The following NCR1 variants were observed in gnomAD, a reference collection of about 807,000 sequenced individuals.
The protein encoded by NCR1 is natural cytotoxicity triggering receptor 1.
A neutral mutation model predicts 32.5 loss-of-function variants in NCR1; 30 were observed. The ratio of observed to expected loss-of-function variants is 0.92; its 90% confidence interval spans 0.69 to 1.25. The LOEUF (loss-of-function observed/expected upper bound fraction) is 1.25. NCR1 is among the 50% of genes most tolerant of loss of function. The probability of loss-of-function intolerance (pLI) is 0.00; values close to 1 mark genes in which losing one functional copy is unlikely to be tolerated. For synonymous variants in NCR1, 169 were observed against 143.4 expected, an observed-to-expected ratio of 1.18 and a Z score of -1.28; for missense variants, 369 against 380.7, an observed-to-expected ratio of 0.97 and a Z score of 0.26.
At chr19:54,936,567 AC>A in the NCR1 span, 1 of 773,338 alleles carries the variant, frequency 1.3e-6, no homozygotes, top group Non-Finnish European at 2.2e-6. Flanking sequence ...CGTGTCTGTA[AC>A]CCCAGCACTT....
chr19:54,936,327 T>A, the NCR1 span: 1 of 1,613,968 alleles, frequency 6.2e-7, no homozygotes, highest in South Asian at 1.1e-5. Context: ...CATCGTGCGT[T>A]CCCACTCGAT....
At chr19:54,936,415 G>A in the NCR1 span, 1 of 1,614,114 alleles carries the variant, frequency 6.2e-7, no homozygotes, top group Non-Finnish European at 8.5e-7. Flanking sequence ...GCGGTGTCAG[G>A]GGTGACGTTT....
chr19:54,937,198 A>T, the NCR1 span, among the ~76,000 whole-genome samples: 3 of 151,530 alleles, frequency 2.0e-5, no homozygotes, highest in African/African-American at 7.3e-5. Context: ...AGCCTGGGGA[A>T]CATAGCGAGA....
chr19:54,920,155 C>T (rs961515054), downstream of NCR1, among the ~76,000 whole-genome samples: 19 of 152,182 alleles, frequency 1.2e-4, no homozygotes, highest in Non-Finnish European at 2.1e-4. Context: ...GGGTGCCTTG[C>T]CGCCCACAAT....
At chr19:54,904,946 T>C (rs772633419), upstream of NCR1, among the ~76,000 whole-genome samples, 6 of 152,192 alleles carry the variant, frequency 3.9e-5, no homozygotes, top group Middle Eastern at 3.2e-3. Flanking sequence ...TAGCGTTCTG[T>C]GGTGTATACA....
upstream of NCR1, among the ~76,000 whole-genome samples, chr19:54,903,704 A>T (rs1327460985): frequency 1.5e-5 from 2 of 134,352 alleles, no homozygotes; most frequent in East Asian, 2.4e-4. Context: ...TATATATATA[A>T]AAGGTATATA....
chr19:54,923,778 C>G, the NCR1 span: 1 of 1,613,872 alleles, frequency 6.2e-7, no homozygotes, highest in Non-Finnish European at 8.5e-7. Context: ...GCCGTTGCCC[C>G]GGAAGCATTG....
At chr19:54,912,130 C>A (rs772514854) in intron 5 of NCR1, 38 bp from the exon 6 acceptor site, 1 of 1,595,852 alleles carries the variant, frequency 6.3e-7, no homozygotes, top group Middle Eastern at 1.7e-4. Flanking sequence ...TGGAGGAGGT[C>A]AAAACCATCC....
chr19:54,906,465 A>G (rs2067617541), intron 2 of NCR1, 58 bp from the exon 3 acceptor site: 13 of 1,599,312 alleles, frequency 8.1e-6, no homozygotes, highest in Non-Finnish European at 1.1e-5. Flanking sequence ...AGCTGGGTGG[A>G]GCCTAAGGTT....
the NCR1 span, among the ~76,000 whole-genome samples, chr19:54,935,697 A>G: frequency 1.3e-5 from 1 of 75,274 alleles, no homozygotes; most frequent in African/African-American, 1.3e-4. Context: ...TCTCAAAGAA[A>G]AAAAAAAAAA....
the NCR1 span, chr19:54,938,198 G>C: frequency 6.2e-7 from 1 of 1,614,116 alleles, no homozygotes; most frequent in Non-Finnish European, 8.5e-7. Flanking sequence ...CGAAGAGAGC[G>C]AAGATCCTGC....
the NCR1 span, among the ~76,000 whole-genome samples, chr19:54,931,663 G>A: frequency 4.2e-5 from 3 of 71,210 alleles, no homozygotes; most frequent in East Asian, 1.4e-3. Flanking sequence ...ACTCCAGCCT[G>A]GGCAAGAGCG....
the NCR1 span, among the ~76,000 whole-genome samples, chr19:54,898,246 C>T: frequency 6.6e-6 from 1 of 152,124 alleles, no homozygotes; most frequent in African/African-American, 2.4e-5. Context: ...TTGAACAGTC[C>T]GATTTTCAGT....
chr19:54,925,938 T>G, the NCR1 span, among the ~76,000 whole-genome samples: 1 of 150,702 alleles, frequency 6.6e-6, no homozygotes, highest in African/African-American at 2.4e-5. Context: ...AGGTGGAGCT[T>G]GCAGTGAGCC....
the NCR1 span, among the ~76,000 whole-genome samples, chr19:54,924,247 T>C: frequency 6.6e-6 from 1 of 152,126 alleles, no homozygotes; most frequent in Non-Finnish European, 1.5e-5. Context: ...GGATTACAGA[T>C]GTGAGCCACA....
At chr19:54,924,118 C>A in the NCR1 span, among the ~76,000 whole-genome samples, 1 of 152,084 alleles carries the variant, frequency 6.6e-6, no homozygotes, top group Non-Finnish European at 1.5e-5. Context: ...CAGGTGTGCA[C>A]CACCACGCTT....
chr19:54,924,891 C>T, the NCR1 span, among the ~76,000 whole-genome samples: 28 of 152,174 alleles, frequency 1.8e-4, no homozygotes, highest in South Asian at 4.8e-3. Flanking sequence ...GAGCCAATAC[C>T]GCACCACTGT....
At chr19:54,911,022 G>A (rs931486011) in intron 5 of NCR1, among the ~76,000 whole-genome samples, 1 of 152,010 alleles carries the variant, frequency 6.6e-6, no homozygotes, top group African/African-American at 2.4e-5. Context: ...GGAAGATGAC[G>A]GTGGGATGGG....
the NCR1 span, among the ~76,000 whole-genome samples, chr19:54,924,282 A>C: frequency 6.6e-6 from 1 of 152,230 alleles, no homozygotes; most frequent in East Asian, 1.9e-4. Context: ...AAGTTTTCTA[A>C]AAAGAAATTT....
Sources: gnomAD v4.1 joint callset for allele counts (sites outside exome capture counted in the v4.1 genomes callset) on GRCh38, gnomAD v4.1.1 for gene constraint, MANE v1.5 for transcripts, NCBI Gene and HGNC (gene_info 2026-07-23, HGNC 2026-07-21) for gene names.